PTPRT: variants seen among roughly 807,000 people sequenced by gnomAD.
The protein encoded by PTPRT is receptor-type tyrosine-protein phosphatase T.
Under a neutral mutation model 176.8 loss-of-function variants are expected in PTPRT, and 56 were observed. The observed-to-expected ratio is 0.32, with a 90% CI of 0.26 to 0.40. The LOEUF is 0.40. PTPRT is among the 10% of genes least tolerant of loss of function. The pLI, the probability that PTPRT is intolerant of heterozygous loss-of-function variation, is 1.00. For synonymous variants in PTPRT, 783 were observed against 739.0 expected (o/e 1.06, Z -0.96); for missense variants, 1,540 against 1,908.2 (o/e 0.81, Z 3.60).
intron 1 of PTPRT, among the ~76,000 whole-genome samples, chr20:42,987,869 G>A (rs1983690181): frequency 6.6e-6 from 1 of 152,150 alleles, no homozygotes; most frequent in African/African-American, 2.4e-5. Flanking sequence ...AGCTTGACGG[G>A]AGCTGGGGAT....
intron 1 of PTPRT, among the ~76,000 whole-genome samples, chr20:43,080,136 G>A (rs1009774814): frequency 6.6e-6 from 1 of 152,172 alleles, no homozygotes; most frequent in African/African-American, 2.4e-5. Flanking sequence ...CATCAGACTT[G>A]GCCATGTGAC....
chr20:42,094,605 T>C (rs886218823), intron 27 of PTPRT, among the ~76,000 whole-genome samples: 21 of 152,100 alleles, frequency 1.4e-4, no homozygotes, highest in African/African-American at 5.1e-4. Flanking sequence ...AATTATTTTG[T>C]AGGACTGGGT....
chr20:42,233,325 C>T lies in PTPRT; in HGVS notation c.2342+2904G>A, dbSNP rs1246395541. On this transcript the variant is annotated intron_variant, in intron 15 of 30. Coordinates refer to ENST00000373187, the MANE Select transcript of PTPRT (RefSeq NM_007050.6). Reference sequence around the variant, plus strand: ...TATATCCAGAGTCATATGCATATGACTCACATGACCATTTCTCACCCCAAG... The same window carrying T: ...TATATCCAGAGTCATATGCATATGATTCACATGACCATTTCTCACCCCAAG... Among the ~76,000 whole-genome samples the T allele has an allele frequency of 2.6e-5, 4 of 152,342 alleles. No individual in the cohort carries two copies. The East Asian group carries it at 5.8e-4, about 22-fold the overall frequency.
intron 8 of PTPRT, among the ~76,000 whole-genome samples, chr20:42,462,699 G>A (rs769673135): frequency 1.2e-4 from 18 of 152,164 alleles, no homozygotes; most frequent in South Asian, 2.1e-4. Flanking sequence ...CAGGGCAAAC[G>A]GAAATTTTGG....
chr20:42,324,877 G>C (rs2057859360), intron 11 of PTPRT, among the ~76,000 whole-genome samples: 1 of 152,164 alleles, frequency 6.6e-6, no homozygotes, highest in African/African-American at 2.4e-5. Context: ...AAAATGGGAG[G>C]AGGTGTACAT....
rs1982627275 is a variant in PTPRT, at chr20:42,074,948, G to A, written c.*5931C>T. The A allele has an allele frequency of 2.5e-6, 1 of 397,046 alleles. No homozygotes were observed. Among genetic ancestry groups the A allele is most frequent in the Non-Finnish European group, 4.4e-6 (1 of 225,326 alleles). 24.6% of individuals were successfully genotyped at this position (397,046 alleles called of 1,614,324 possible). A position where few individuals can be genotyped will look rare whatever the true frequency, so the allele number is the denominator to read the frequency against. On this transcript the variant is annotated 3_prime_UTR_variant, in exon 31 of 31. Coordinates refer to ENST00000373187, the MANE Select transcript of PTPRT (RefSeq NM_007050.6). Reference sequence around the variant, plus strand: ...ATCTCTGCTGTGCTTCGGAGGATCAGATCCATGATCCTGAAAAATGTGTCA... The same window carrying A: ...ATCTCTGCTGTGCTTCGGAGGATCAAATCCATGATCCTGAAAAATGTGTCA...
rs3838030 is a variant in PTPRT at position 42,072,974 on chromosome 20, GAAAA to G, written c.*7901_*7904del. 9.4e-6 allele frequency: 2 copies of G among 211,656 alleles called. No individual in the cohort carries two copies. The highest frequency in any genetic ancestry group is 1.4e-4 in the East Asian group (2 of 14,050). The allele number at this position is 211,656 out of a possible 1,614,324, so 13.1% of individuals were successfully genotyped here. A position where few individuals can be genotyped will look rare whatever the true frequency, so the allele number is the denominator to read the frequency against. ...TGCTTTTCTGAGCTAGAATTGAAAA[GAAAA>G]AAAAAACATTGACAGCACAGTGCTG... On this transcript the variant is annotated 3_prime_UTR_variant, in exon 31 of 31. Coordinates refer to ENST00000373187, the MANE Select transcript of PTPRT (RefSeq NM_007050.6).
intron 8 of PTPRT, among the ~76,000 whole-genome samples, chr20:42,454,037 A>G (rs2070879100): frequency 6.6e-6 from 1 of 151,906 alleles, no homozygotes; most frequent in African/African-American, 2.4e-5. Flanking sequence ...TTTTATTCGG[A>G]GTTCTAAATA....
intron 9 of PTPRT, among the ~76,000 whole-genome samples, chr20:42,389,439 C>T (rs2058778196): frequency 6.6e-6 from 1 of 152,092 alleles, no homozygotes; most frequent in Admixed American, 6.6e-5. Flanking sequence ...AATGTGTTCC[C>T]CCAAAACCAT....
chr20:42,898,827 T>G (rs1051442568), intron 1 of PTPRT, among the ~76,000 whole-genome samples: 5 of 152,012 alleles, frequency 3.3e-5, no homozygotes, highest in African/African-American at 1.2e-4. Context: ...AGGCCCTCTG[T>G]TGGGTCAGCG....
chr20:42,632,754 C>T (rs1374989234), intron 7 of PTPRT, among the ~76,000 whole-genome samples: 2 of 151,344 alleles, frequency 1.3e-5, no homozygotes, highest in African/African-American at 2.4e-5. Context: ...TAGCAGCTTT[C>T]CTGAGTTCTG....
intron 27 of PTPRT, among the ~76,000 whole-genome samples, chr20:42,096,292 A>AT (rs746029578): frequency 3.3e-5 from 5 of 151,266 alleles, no homozygotes; most frequent in African/African-American, 9.7e-5. Flanking sequence ...TGCAATTTTT[A>AT]TTTTTTTTAT....
At chr20:42,778,184 T>C (rs2145490102) in intron 4 of PTPRT, among the ~76,000 whole-genome samples, 1 of 152,314 alleles carries the variant, frequency 6.6e-6, no homozygotes, top group Non-Finnish European at 1.5e-5. Flanking sequence ...TGGAAAGTCA[T>C]TCCAGTGCCC....
At chr20:42,235,363 C>G (rs2056221313) in intron 15 of PTPRT, among the ~76,000 whole-genome samples, 1 of 152,016 alleles carries the variant, frequency 6.6e-6, no homozygotes, top group Admixed American at 6.6e-5. Flanking sequence ...TGGGTTCAAG[C>G]AATTCTCCTG....
At chr20:42,128,363 G>C (rs771731866) in intron 19 of PTPRT, among the ~76,000 whole-genome samples, 1 of 151,916 alleles carries the variant, frequency 6.6e-6, no homozygotes, top group Non-Finnish European at 1.5e-5. Context: ...AGGTTTTAAA[G>C]GGTAGAGACC....
At chr20:42,247,501 A>G (rs531037236) in intron 14 of PTPRT, among the ~76,000 whole-genome samples, 2 of 152,202 alleles carry the variant, frequency 1.3e-5, no homozygotes, top group Non-Finnish European at 2.9e-5. Context: ...TCTGGTAGGA[A>G]ACACATTTGA....
intron 9 of PTPRT, among the ~76,000 whole-genome samples, chr20:42,411,997 C>A (rs1449982392): frequency 3.3e-5 from 5 of 152,104 alleles, no homozygotes; most frequent in Non-Finnish European, 1.5e-5. Flanking sequence ...CATTTTGTGA[C>A]CTTTGTTAGG....
At chr20:42,431,985 C>T (rs1373554955) in intron 9 of PTPRT, among the ~76,000 whole-genome samples, 2 of 152,222 alleles carry the variant, frequency 1.3e-5, no homozygotes, top group African/African-American at 2.4e-5. Flanking sequence ...AACGGACACA[C>T]AGGGCCTTTA....
At chr20:42,176,192 C>G (rs1329396018) in intron 16 of PTPRT, among the ~76,000 whole-genome samples, 1 of 152,140 alleles carries the variant, frequency 6.6e-6, no homozygotes, top group Non-Finnish European at 1.5e-5. Flanking sequence ...ACACCTTGCT[C>G]TCTGAAATCC....
Sources: allele counts gnomAD v4.1 joint callset (sites outside exome capture counted in the v4.1 genomes callset), GRCh38; gene constraint gnomAD v4.1.1; transcripts MANE v1.5; gene names NCBI Gene and HGNC (gene_info 2026-07-23, HGNC 2026-07-21).